Variants in MAD1L1 observed in about 807,000 individuals in gnomAD.
MAD1L1 encodes the protein mitotic arrest deficient 1 like 1, also known as mitotic spindle assembly checkpoint protein MAD1.
A neutral mutation model predicts 96.9 loss-of-function variants in MAD1L1; 95 were observed. The observed-to-expected ratio is 0.98, with a 90% CI of 0.83 to 1.16. The LOEUF (loss-of-function observed/expected upper bound fraction) is 1.16. MAD1L1 is among the 50% of genes most tolerant of loss of function. MAD1L1 has a pLI of 0.00. For missense variants in MAD1L1, 1,007 were observed against 954.4 expected (o/e 1.06, Z -0.73); for synonymous variants, 473 against 396.6 (o/e 1.19, Z -2.29).
At chr7:1,932,708 CCCAGT>C (rs1307615148) in intron 17 of MAD1L1, among the ~76,000 whole-genome samples, 2 of 152,240 alleles carry the variant, frequency 1.3e-5, no homozygotes, top group African/African-American at 4.8e-5. Flanking sequence ...CCACAGACAG[CCCAGT>C]CTGAGCCTCT....
In MAD1L1 at chr7:1,898,042, G is replaced by A. The variant is rs114122471; in HGVS notation, c.1998+158C>T. On this transcript the variant is annotated intron_variant, in intron 18 of 18. Transcript: ENST00000265854. ...GCCCAAGGCTGAGAAGCCTCAGGGG[G>A]TGACGAGGACGGGCCAGTGCACCTC... 1,823 of 756,382 alleles carry A rather than the reference G, an allele frequency of 2.4e-3. 28 individuals carry two copies. In the African/African-American group the frequency reaches 0.028, roughly 11 times the overall value. The allele number at this position is 756,382 out of a possible 1,614,324, so 46.9% of individuals were successfully genotyped here.
chr7:2,195,610 T>C (rs944222287), intron 10 of MAD1L1, among the ~76,000 whole-genome samples: 1 of 152,144 alleles, frequency 6.6e-6, no homozygotes, highest in African/African-American at 2.4e-5. Context: ...AACTGAAGAG[T>C]AGTTTGCACC....
intron 11 of MAD1L1, among the ~76,000 whole-genome samples, chr7:2,121,389 A>G (rs570444762): frequency 6.6e-5 from 10 of 152,308 alleles, no homozygotes; most frequent in Admixed American, 4.6e-4. Context: ...GATACGCCAC[A>G]CACACTCGGT....
intron 11 of MAD1L1, among the ~76,000 whole-genome samples, chr7:2,079,007 T>G (rs1785507211): frequency 1.7e-5 from 2 of 117,424 alleles, no homozygotes; most frequent in Admixed American, 1.9e-4. Flanking sequence ...GGTGACACGT[T>G]CCATGTGTCT....
At chr7:1,847,956 C>A (rs1783734782) in intron 18 of MAD1L1, 3 of 351,386 alleles carry the variant, frequency 8.5e-6, no homozygotes, top group Non-Finnish European at 1.7e-5. Flanking sequence ...ACAGGCCACC[C>A]AGATGCAAGC....
At position 1,980,833 on chromosome 7, in the gene MAD1L1, C is replaced by T. The variant is rs373456727; in HGVS notation, c.1417-292G>A. 42 of 533,336 alleles carry T rather than the reference C, an allele frequency of 7.9e-5. 1 individual carries two copies. Among genetic ancestry groups the T allele is most frequent in the Admixed American group, 5.1e-4 (22 of 43,292 alleles). 33.0% of individuals were successfully genotyped at this position (533,336 alleles called of 1,614,324 possible). ...TGTGAGAGTCTCTGGAGAGTGGACA[C>T]GCAGCTGGGGAGAGAGCACGCTCCA... On this transcript the variant is annotated intron_variant, in intron 14 of 18. Transcript: ENST00000265854.
At chr7:2,065,487 G>GC (rs919443271) in intron 12 of MAD1L1, among the ~76,000 whole-genome samples, 15 of 152,320 alleles carry the variant, frequency 9.8e-5, no homozygotes, top group Non-Finnish European at 1.5e-4. Context: ...CAGATCTGAT[G>GC]CCCCAGGCAG....
intron 11 of MAD1L1, among the ~76,000 whole-genome samples, chr7:2,096,378 G>A (rs1786491101): frequency 6.6e-6 from 1 of 152,222 alleles, no homozygotes; most frequent in Non-Finnish European, 1.5e-5. Context: ...GCTCATGCCT[G>A]CAATCTGGCT....
intron 11 of MAD1L1, among the ~76,000 whole-genome samples, chr7:2,135,320 T>C (rs936537875): frequency 6.6e-6 from 1 of 152,246 alleles, no homozygotes; most frequent in Non-Finnish European, 1.5e-5. Context: ...TGCTCCCATC[T>C]TCTATTTCAC....
intron 12 of MAD1L1, among the ~76,000 whole-genome samples, chr7:2,068,253 G>A (rs1584244042): frequency 6.6e-6 from 1 of 152,242 alleles, no homozygotes; most frequent in Non-Finnish European, 1.5e-5. Flanking sequence ...AGTGCCCGAG[G>A]GACCTAGGCC....
At chr7:2,020,476 C>T (rs1013858494) in intron 12 of MAD1L1, among the ~76,000 whole-genome samples, 7 of 152,218 alleles carry the variant, frequency 4.6e-5, no homozygotes, top group Admixed American at 2.6e-4. Context: ...GCTGTGAGAC[C>T]GAGCCGCAGG....
chr7:1,879,468 AAAAAAG>A (rs1368713161), intron 18 of MAD1L1, among the ~76,000 whole-genome samples: 1 of 152,086 alleles, frequency 6.6e-6, no homozygotes, highest in African/African-American at 2.4e-5. Context: ...AAAAAAAAAA[AAAAAAG>A]AATGTCAGTT....
intron 11 of MAD1L1, among the ~76,000 whole-genome samples, chr7:2,112,597 T>A (rs902355847): frequency 1.3e-5 from 2 of 152,224 alleles, no homozygotes; most frequent in Non-Finnish European, 2.9e-5. Flanking sequence ...TGGTGTGTGC[T>A]GACACCTGGG....
chr7:2,086,022 G>A (rs1013289823), intron 11 of MAD1L1, among the ~76,000 whole-genome samples: 6 of 152,152 alleles, frequency 3.9e-5, no homozygotes, highest in South Asian at 2.1e-4. Flanking sequence ...ACCTCCGTGC[G>A]CAGCTCCACC....
chr7:1,858,318 C>T (rs1177171718), intron 18 of MAD1L1, among the ~76,000 whole-genome samples: 1 of 152,214 alleles, frequency 6.6e-6, no homozygotes, highest in East Asian at 1.9e-4. Context: ...GGCCGGACCC[C>T]AACTCCGTTC....
At chr7:2,179,457 G>C (rs1047344692) in intron 10 of MAD1L1, among the ~76,000 whole-genome samples, 3 of 151,846 alleles carry the variant, frequency 2.0e-5, no homozygotes, top group Admixed American at 6.6e-5. Flanking sequence ...GAACCCGGGA[G>C]GTAGAGGTTG....
intron 18 of MAD1L1, among the ~76,000 whole-genome samples, chr7:1,896,562 G>A (rs924999815): frequency 2.0e-5 from 3 of 152,260 alleles, no homozygotes; most frequent in Non-Finnish European, 2.9e-5. Context: ...GTTCCCAGGT[G>A]TAAATGAACA....
chr7:1,978,292 C>A (rs967506854), intron 15 of MAD1L1, among the ~76,000 whole-genome samples: 4 of 152,232 alleles, frequency 2.6e-5, no homozygotes, highest in Admixed American at 2.0e-4. Context: ...GCCTCCAGGC[C>A]CGCTGCTCTG....
At chr7:1,985,799 GCCCCCTC>G (rs1781113489) in intron 14 of MAD1L1, among the ~76,000 whole-genome samples, 1 of 87,648 alleles carries the variant, frequency 1.1e-5, no homozygotes, top group Admixed American at 1.2e-4. Context: ...GCCCCCTACT[GCCCCCTC>G]TCCTGCTCTG....
Sources: gnomAD v4.1 joint callset for allele counts (sites outside exome capture counted in the v4.1 genomes callset) on GRCh38, gnomAD v4.1.1 for gene constraint, MANE v1.5 for transcripts, NCBI Gene and HGNC (gene_info 2026-07-23, HGNC 2026-07-21) for gene names.